ARSG: variants seen among roughly 807,000 people sequenced by gnomAD.
The protein encoded by ARSG is ASG.
A neutral mutation model predicts 50.5 loss-of-function variants in ARSG; 37 were observed. The observed-to-expected ratio is 0.73, with a 90% CI of 0.56 to 0.96. The LOEUF (loss-of-function observed/expected upper bound fraction) is 0.96, where lower values mean the gene tolerates loss of function less well. ARSG is among the 50% of genes least tolerant of loss of function. The pLI, the probability that ARSG is intolerant of heterozygous loss-of-function variation, is 0.00. For synonymous variants in ARSG, 225 were observed against 254.6 expected (o/e 0.88, Z 1.11); for missense variants, 629 against 675.3 (o/e 0.93, Z 0.76).
chr17:68,387,118 CAT>C (rs1193616825), intron 9 of ARSG, among the ~76,000 whole-genome samples: 99 of 123,954 alleles, frequency 8.0e-4, no homozygotes, highest in South Asian at 3.0e-3. Flanking sequence ...CACACACACA[CAT>C]ACCTTTTATT....
At chr17:68,391,673 C>A (rs1288054485) in intron 9 of ARSG, among the ~76,000 whole-genome samples, 2 of 152,176 alleles carry the variant, frequency 1.3e-5, no homozygotes, top group Non-Finnish European at 2.9e-5. Flanking sequence ...AGCTCCAAAC[C>A]ACCGCGGCCT....
At chr17:68,400,926 T>C (rs74347941) in intron 10 of ARSG, 2,571 of 154,300 alleles carry the variant, frequency 0.017, 82 homozygotes, top group African/African-American at 0.059. Context: ...CAGGCTTGTA[T>C]CTGTCAGTGT....
At chr17:68,336,837 C>T (rs555662829) in intron 2 of ARSG, among the ~76,000 whole-genome samples, 20 of 152,144 alleles carry the variant, frequency 1.3e-4, no homozygotes, top group Non-Finnish European at 2.1e-4. Context: ...GCCTGGGCAA[C>T]AGAATGAGAC....
chr17:68,430,636 T>C, the ARSG span, among the ~76,000 whole-genome samples: 3 of 152,180 alleles, frequency 2.0e-5, no homozygotes, highest in Non-Finnish European at 4.4e-5. Context: ...TGTTTGATTG[T>C]AGATAACCCT....
the ARSG span, among the ~76,000 whole-genome samples, chr17:68,430,956 G>A: frequency 6.6e-6 from 1 of 152,122 alleles, no homozygotes; most frequent in Non-Finnish European, 1.5e-5. Context: ...CTACCAATGG[G>A]CTAGGGGGTC....
At chr17:68,371,042 C>T (rs961461526) in intron 8 of ARSG, among the ~76,000 whole-genome samples, 3 of 152,260 alleles carry the variant, frequency 2.0e-5, no homozygotes, top group East Asian at 1.9e-4. Flanking sequence ...GAGGCTAGGC[C>T]GGGCGCGGTG....
chr17:68,259,195 C>A (rs1201818318), exon 1 of ARSG: 1 of 152,236 alleles, frequency 6.6e-6, no homozygotes, highest in African/African-American at 2.4e-5. Flanking sequence ...TGCGCCCAGG[C>A]CGGCGGGCCC....
At chr17:68,417,733 AT>A (rs770292731) in intron 11 of ARSG, among the ~76,000 whole-genome samples, 157 of 60,792 alleles carry the variant, frequency 2.6e-3, no homozygotes, top group Middle Eastern at 0.021. Context: ...GAGTTGCTGA[AT>A]TTTTTTTTTT....
intron 5 of ARSG, among the ~76,000 whole-genome samples, chr17:68,354,811 C>G (rs963949909): frequency 6.6e-6 from 1 of 152,062 alleles, no homozygotes; most frequent in Non-Finnish European, 1.5e-5. Context: ...CTGCAATGAG[C>G]TGAGATTGTG....
At chr17:68,297,541 A>G (rs1223134670) in intron 1 of ARSG, among the ~76,000 whole-genome samples, 2 of 152,248 alleles carry the variant, frequency 1.3e-5, no homozygotes, top group Non-Finnish European at 2.9e-5. Flanking sequence ...TTAACAAACA[A>G]TTCTGGCAGA....
rs35268505 is a variant in ARSG, at chr17:68,420,370, C to T, written c.1485C>T (p.Asn495=). 4,623 of 1,614,116 alleles carry T rather than the reference C, an allele frequency of 2.9e-3. 118 individuals are homozygous for T. In the African/African-American group the frequency reaches 0.055, roughly 19 times the overall value. ...CAGACGTCCTCCAAGACATTGCCAA[C>T]GACAACATCTCCAGCGCAGATTACA... ...VLADVLQDIA[N]DNISSADYTQ... is the part of the protein sequence containing the mutation. Residue 495 remains asparagine, a synonymous_variant, in exon 12 of 12, where the codon AAC becomes AAT. Coordinates refer to ENST00000621439, the MANE Select transcript of ARSG (RefSeq NM_001267727.2).
At chr17:68,306,699 A>C (rs942952032) in intron 1 of ARSG, among the ~76,000 whole-genome samples, 6 of 152,194 alleles carry the variant, frequency 3.9e-5, no homozygotes, top group Non-Finnish European at 8.8e-5. Context: ...CAATATCCTC[A>C]TCTCTACAGT....
At chr17:68,389,053 C>A (rs1271250680) in intron 9 of ARSG, among the ~76,000 whole-genome samples, 1 of 152,170 alleles carries the variant, frequency 6.6e-6, no homozygotes, top group Non-Finnish European at 1.5e-5. Context: ...CTGGTTCTGG[C>A]CTGTCCGAAG....
intron 2 of ARSG, among the ~76,000 whole-genome samples, chr17:68,320,978 C>T (rs141232761): frequency 6.6e-6 from 1 of 152,216 alleles, no homozygotes; most frequent in East Asian, 1.9e-4. Flanking sequence ...AGGACCATAA[C>T]CAAGCTCAGC....
intron 2 of ARSG, among the ~76,000 whole-genome samples, chr17:68,311,764 C>A (rs1810365531): frequency 6.7e-6 from 1 of 150,022 alleles, no homozygotes; most frequent in African/African-American, 2.5e-5. Flanking sequence ...GCCCGGCCGA[C>A]ATCTTGATTT....
chr17:68,411,949 C>CT (rs1261539023), intron 11 of ARSG, among the ~76,000 whole-genome samples: 261 of 150,806 alleles, frequency 1.7e-3, no homozygotes, highest in African/African-American at 5.5e-3. Flanking sequence ...CAACCCCTGC[C>CT]TTTTTTTGTT....
At chr17:68,450,674 T>C in the ARSG span, 1 of 1,544,476 alleles carries the variant, frequency 6.5e-7, no homozygotes, top group African/African-American at 1.4e-5. Flanking sequence ...TCCATCTTTT[T>C]GTTTGGCTCC....
downstream of ARSG, chr17:68,421,681 T>C: frequency 1.3e-6 from 2 of 1,575,374 alleles, no homozygotes; most frequent in Non-Finnish European, 1.7e-6. Flanking sequence ...CCCTTTCTGC[T>C]CACACAATTG....
In ARSG at chr17:68,325,743, A is replaced by G. The variant is rs143118713; in HGVS notation, c.219-17861A>G. ...TTCAAGTTCCTCCATGTGATAGTCA[A>G]GGAAGCCCTTACCCTTCTGGGGTTG... On this transcript the variant is annotated intron_variant, in intron 2 of 11. Coordinates refer to ENST00000621439, the MANE Select transcript of ARSG (RefSeq NM_001267727.2). Among the ~76,000 whole-genome samples the G allele has an allele frequency of 1.9e-3, 294 of 152,322 alleles. 1 individual carries two copies. Among genetic ancestry groups the G allele is most frequent in the African/African-American group, 6.6e-3 (276 of 41,570 alleles).
Sources: gnomAD v4.1 joint callset for allele counts (sites outside exome capture counted in the v4.1 genomes callset) on GRCh38, gnomAD v4.1.1 for gene constraint, MANE v1.5 for transcripts, NCBI Gene and HGNC (gene_info 2026-07-23, HGNC 2026-07-21) for gene names.